The following HIVEP2 variants were observed in gnomAD, a reference collection of about 807,000 sequenced individuals.
HIVEP2 encodes the protein HIVEP zinc finger 2, also known as transcription factor HIVEP2.
HIVEP2 carries 14 observed loss-of-function variants against 180.7 expected under a neutral mutation model. The ratio of observed to expected loss-of-function variants is 0.08; its 90% CI spans 0.05 to 0.12. The LOEUF (loss-of-function observed/expected upper bound fraction) is 0.12, where lower values mean the gene tolerates loss of function less well. HIVEP2 is among the 10% of genes least tolerant of loss of function. The pLI is 1.00. For missense variants in HIVEP2, 2,579 were observed against 3,008.5 expected, an observed-to-expected ratio of 0.86 and a Z score of 3.34; for synonymous variants, 1,184 against 1,136.4, an observed-to-expected ratio of 1.04 and a Z score of -0.84.
intron 2 of HIVEP2, among the ~76,000 whole-genome samples, chr6:142,836,223 A>G (rs1766777897): frequency 6.6e-6 from 1 of 152,196 alleles, no homozygotes; most frequent in South Asian, 2.1e-4. Context: ...TAAAAAAATT[A>G]CCAAGCCCTA....
intron 1 of HIVEP2, among the ~76,000 whole-genome samples, chr6:142,888,471 A>G (rs1776766179): frequency 6.6e-6 from 1 of 152,016 alleles, no homozygotes; most frequent in African/African-American, 2.4e-5. Flanking sequence ...ACATCCTTAC[A>G]TCTCCTCATT....
At chr6:142,793,678 TCTCTCTCTCTCTCTCTCTCTG>T (rs1562521460) in intron 2 of HIVEP2, among the ~76,000 whole-genome samples, 2 of 142,602 alleles carry the variant, frequency 1.4e-5, no homozygotes, top group Non-Finnish European at 3.1e-5. Context: ...TTTCTTTCTC[TCTCTCTCTCTCTCTCTCTCTG>T]TCTGTCTTTC....
At chr6:142,807,374 G>A (rs1776579891) in intron 2 of HIVEP2, among the ~76,000 whole-genome samples, 1 of 152,158 alleles carries the variant, frequency 6.6e-6, no homozygotes, top group African/African-American at 2.4e-5. Flanking sequence ...CAAGATGTCT[G>A]GGAGGTAGAG....
At chr6:142,941,515 C>T (rs897241701) in intron 1 of HIVEP2, among the ~76,000 whole-genome samples, 1 of 152,158 alleles carries the variant, frequency 6.6e-6, no homozygotes, top group East Asian at 1.9e-4. Flanking sequence ...TTTCCTATTT[C>T]CCTTTAATCC....
At chr6:142,812,953 C>A (rs1028146695) in intron 2 of HIVEP2, among the ~76,000 whole-genome samples, 2 of 152,058 alleles carry the variant, frequency 1.3e-5, no homozygotes, top group Non-Finnish European at 2.9e-5. Context: ...CTTGGCCCTA[C>A]TTGAAGTCCA....
chr6:142,840,538 C>T (rs1775337346), intron 1 of HIVEP2, among the ~76,000 whole-genome samples: 1 of 151,998 alleles, frequency 6.6e-6, no homozygotes, highest in Non-Finnish European at 1.5e-5. Context: ...CTGAGATGTC[C>T]TCATAATGCA....
intron 1 of HIVEP2, among the ~76,000 whole-genome samples, chr6:142,935,184 C>G (rs1778022884): frequency 3.9e-5 from 6 of 152,180 alleles, no homozygotes; most frequent in Admixed American, 3.9e-4. Flanking sequence ...TTTGGGATTG[C>G]TGGATGGACA....
chr6:142,862,215 T>C lies in HIVEP2; in HGVS notation c.-640-25168A>G, dbSNP rs190915480. On this transcript the variant is annotated intron_variant, in intron 1 of 9. Transcript: ENST00000367603. ...ACATATTTACAAGAATAAAGCAATGTATTGTACTAGATTCCAGATGTGAAA... is the reference window on the plus strand; with the variant it reads ...ACATATTTACAAGAATAAAGCAATGCATTGTACTAGATTCCAGATGTGAAA... Among the ~76,000 whole-genome samples, 87 of 152,194 alleles carry C rather than the reference T, an allele frequency of 5.7e-4. No individual in the cohort carries two copies. The Middle Eastern group carries it at 0.014, about 24-fold the overall frequency.
chr6:142,772,684 T>C lies in HIVEP2; in HGVS notation c.2055A>G (p.Pro685=). The C allele has an allele frequency of 1.2e-6, 2 of 1,614,242 alleles. No individual in the cohort carries two copies. Among genetic ancestry groups the C allele is most frequent in the Non-Finnish European group, 1.7e-6 (2 of 1,180,050 alleles). The stretch of plus-strand genomic sequence containing the variant: ...TTTCACAGGTAGTTCCAAACATGCT[T>C]GGTACTCCCTGCAATGGCACCACGG... The part of the protein sequence containing the change: ...MDPVVPLQGV[P]SMFGTTCENR... The change falls in exon 5 of 10, where the codon CCA becomes CCG. Residue 685 remains proline, a synonymous_variant. Transcript: ENST00000367603. The surrounding 1 kb of genome is among the most constrained non-coding windows in gnomAD (Gnocchi z 4.9).
At chr6:142,797,831 G>A (rs535718399) in intron 2 of HIVEP2, among the ~76,000 whole-genome samples, 1 of 151,972 alleles carries the variant, frequency 6.6e-6, no homozygotes, top group Non-Finnish European at 1.5e-5. Context: ...GTATACATAG[G>A]ATTCAGTACC....
At chr6:142,784,378 A>C (rs1463528271) in intron 2 of HIVEP2, among the ~76,000 whole-genome samples, 1 of 152,214 alleles carries the variant, frequency 6.6e-6, no homozygotes, top group Non-Finnish European at 1.5e-5. Flanking sequence ...GCATTAAAAC[A>C]TAACAGTTAA....
chr6:142,912,606 C>G (rs528440444), intron 1 of HIVEP2, among the ~76,000 whole-genome samples: 15 of 152,192 alleles, frequency 9.9e-5, no homozygotes, highest in African/African-American at 3.6e-4. Flanking sequence ...GGTGGGCAAG[C>G]GAGCATTACT....
chr6:142,772,628 C>T lies in HIVEP2; in HGVS notation c.2111G>A (p.Gly704Glu), dbSNP rs1470692131. The change falls in exon 5 of 10, where the codon GGG (glycine) becomes GAG (glutamate). Residue 704 changes from glycine (G) to glutamate (E), a missense_variant. By Grantham distance (98) the Gly-to-Glu change is moderately conservative. Around this residue, in one of 11 missense-constraint regions of HIVEP2, gnomAD observed 524 missense variants for 563.6 expected, o/e 0.93. Coordinates refer to ENST00000367603, the MANE Select transcript of HIVEP2 (RefSeq NM_006734.4). This position sits in a 1 kb window ranked among gnomAD's most constrained non-coding sequence, Gnocchi z 4.9. ...GATCATGGGCGTGTCCTCTTCATCC[C>T]CTACGCTCTTCTCTTTCCGGCGTTT... is the stretch of plus-strand genomic sequence containing the variant. ...NRKRRKEKSVGDEEDTPMICS... is the reference protein window; with the variant it reads ...NRKRRKEKSVEDEEDTPMICS... 6.2e-7 allele frequency: 1 copy of T among 1,614,216 alleles called. No individual in the cohort carries two copies. The highest frequency in any genetic ancestry group is 8.5e-7 in the Non-Finnish European group (1 of 1,180,038).
At chr6:142,940,785 A>G (rs924525320) in intron 1 of HIVEP2, among the ~76,000 whole-genome samples, 1 of 152,228 alleles carries the variant, frequency 6.6e-6, no homozygotes, top group Non-Finnish European at 1.5e-5. Flanking sequence ...TACTCTGAAT[A>G]GAGGATTAAG....
intron 7 of HIVEP2, among the ~76,000 whole-genome samples, chr6:142,762,452 GCACACACACACA>G (rs35168499): frequency 0.03 from 4,264 of 144,124 alleles, 195 homozygotes; most frequent in African/African-American, 0.1. Context: ...ACAGAAGAAT[GCACACACACACA>G]CACACACACA....
intron 6 of HIVEP2, among the ~76,000 whole-genome samples, chr6:142,767,605 C>T (rs1360031348): frequency 6.6e-6 from 1 of 152,180 alleles, no homozygotes; most frequent in Non-Finnish European, 1.5e-5. Context: ...GGTTAGCACG[C>T]TTCAAAATTT....
chr6:142,872,041 C>T (rs544476389), intron 1 of HIVEP2, among the ~76,000 whole-genome samples: 1 of 152,120 alleles, frequency 6.6e-6, no homozygotes, highest in Non-Finnish European at 1.5e-5. Flanking sequence ...CTGCCATTAC[C>T]CGAGAAAACC....
intron 1 of HIVEP2, among the ~76,000 whole-genome samples, chr6:142,884,994 G>A (rs1384232612): frequency 6.6e-6 from 1 of 152,078 alleles, no homozygotes; most frequent in East Asian, 1.9e-4. Flanking sequence ...GATTAAAAAC[G>A]ACACTAAATT....
At chr6:142,819,121 C>A (rs374402467) in intron 2 of HIVEP2, among the ~76,000 whole-genome samples, 13 of 152,026 alleles carry the variant, frequency 8.6e-5, no homozygotes, top group East Asian at 7.7e-4. Context: ...GTAGTCCCAG[C>A]CACTTGGGAG....
Sources: allele counts gnomAD v4.1 joint callset (sites outside exome capture counted in the v4.1 genomes callset), GRCh38; gene constraint gnomAD v4.1.1; regional missense constraint gnomAD v4.1.1; non-coding constraint Gnocchi (gnomAD v3.1); transcripts MANE v1.5; gene names NCBI Gene and HGNC (gene_info 2026-07-23, HGNC 2026-07-21).